The following REC114 variants were observed in gnomAD, a reference collection of about 807,000 sequenced individuals.
REC114 encodes the protein meiotic recombination protein REC114.
A neutral mutation model predicts 31.3 loss-of-function variants in REC114; 27 were observed. That is an observed-to-expected ratio of 0.86 (90% CI 0.64 to 1.19). The LOEUF is 1.19. Among genes scored for constraint, REC114 ranks in the 50% most tolerant of loss-of-function variants. The probability of loss-of-function intolerance (pLI) is 0.00; values close to 1 mark genes in which losing one functional copy is unlikely to be tolerated. For missense variants in REC114, 344 were observed against 326.9 expected, an observed-to-expected ratio of 1.05 and a Z score of -0.40; for synonymous variants, 134 against 127.7, an observed-to-expected ratio of 1.05 and a Z score of -0.33.
intron 1 of REC114, among the ~76,000 whole-genome samples, chr15:73,446,448 T>C (rs887241884): frequency 6.6e-6 from 1 of 152,186 alleles, no homozygotes; most frequent in Non-Finnish European, 1.5e-5. Context: ...GAGACCAGCC[T>C]GGCCAACATG....
At chr15:73,551,800 T>A (rs1894397185) in intron 4 of REC114, among the ~76,000 whole-genome samples, 1 of 152,334 alleles carries the variant, frequency 6.6e-6, no homozygotes, top group Admixed American at 6.5e-5. Context: ...AAATGAACTA[T>A]CACTTCAGGA....
intron 2 of REC114, among the ~76,000 whole-genome samples, chr15:73,520,225 G>A (rs941148443): frequency 9.4e-5 from 14 of 148,284 alleles, no homozygotes; most frequent in African/African-American, 1.7e-4. Context: ...TTTTTTTTTC[G>A]TTTTGGGTTT....
chr15:73,519,347 C>G (rs1303486539), intron 2 of REC114, among the ~76,000 whole-genome samples: 2 of 152,168 alleles, frequency 1.3e-5, no homozygotes, highest in Non-Finnish European at 2.9e-5. Context: ...AGAGCAAGCC[C>G]TCATCAGACA....
At chr15:73,554,735 A>G (rs1658110399) in intron 4 of REC114, among the ~76,000 whole-genome samples, 1 of 152,154 alleles carries the variant, frequency 6.6e-6, no homozygotes, top group African/African-American at 2.4e-5. Context: ...TTCCATCTCT[A>G]TGCTGTTGCA....
rs1272104035 is a variant in REC114, at chr15:73,473,925, G to A, written c.249+4G>A. On this transcript the variant is annotated splice_donor_region_variant and intron_variant, in intron 2 of 5. Transcript: ENST00000331090. ...TTTCCAAGGACAGACACTACTGGTA[G>A]GTTTTATGCATAACAGTTTAATATG... The A allele has an allele frequency of 6.5e-7, 1 of 1,532,530 alleles. No individual in the cohort carries two copies. Among genetic ancestry groups the A allele is most frequent in the Non-Finnish European group, 8.9e-7 (1 of 1,119,186 alleles). 94.9% of individuals were successfully genotyped at this position (1,532,530 alleles called of 1,614,324 possible).
chr15:73,445,708 C>T (rs1892754750), intron 1 of REC114, among the ~76,000 whole-genome samples: 1 of 152,116 alleles, frequency 6.6e-6, no homozygotes, highest in African/African-American at 2.4e-5. Context: ...AGAGACAGAG[C>T]AAAGGCTGGT....
chr15:73,474,255 C>T (rs1281609467), intron 2 of REC114, among the ~76,000 whole-genome samples: 4 of 151,956 alleles, frequency 2.6e-5, no homozygotes, highest in African/African-American at 9.7e-5. Flanking sequence ...GGGAAAACAG[C>T]ATATGCAGAG....
intron 1 of REC114, among the ~76,000 whole-genome samples, chr15:73,464,492 G>A (rs1038017127): frequency 6.6e-6 from 1 of 151,992 alleles, no homozygotes; most frequent in African/African-American, 2.4e-5. Context: ...ATTTTCCTTT[G>A]TCTAACTTAT....
At chr15:73,512,929 T>C (rs1173829139) in intron 2 of REC114, among the ~76,000 whole-genome samples, 1 of 151,722 alleles carries the variant, frequency 6.6e-6, no homozygotes, top group Non-Finnish European at 1.5e-5. Context: ...TGCCTTGGAG[T>C]TGCTCTTCTC....
At chr15:73,542,988 T>G (rs1247176915) in intron 3 of REC114, among the ~76,000 whole-genome samples, 1 of 151,888 alleles carries the variant, frequency 6.6e-6, no homozygotes, top group East Asian at 1.9e-4. Flanking sequence ...CCCGATAGGT[T>G]GTCCCTGCTT....
At chr15:73,482,036 A>G (rs8039395) in intron 2 of REC114, among the ~76,000 whole-genome samples, 14,018 of 152,114 alleles carry the variant, frequency 0.092, 991 homozygotes, top group African/African-American at 0.2. Context: ...AGCACCATCT[A>G]TCTCCAGAAC....
At chr15:73,459,746 C>G (rs141713867) in intron 1 of REC114, among the ~76,000 whole-genome samples, 5 of 152,240 alleles carry the variant, frequency 3.3e-5, no homozygotes, top group African/African-American at 4.8e-5. Context: ...CTTTAAGAAC[C>G]AGTGCATGAT....
chr15:73,554,905 G>A (rs563235564), intron 4 of REC114, among the ~76,000 whole-genome samples: 6 of 152,238 alleles, frequency 3.9e-5, no homozygotes, highest in Non-Finnish European at 8.8e-5. Context: ...CATAGCTGAA[G>A]AAACACTAGG....
intron 2 of REC114, among the ~76,000 whole-genome samples, chr15:73,484,374 T>C (rs1893337886): frequency 6.6e-6 from 1 of 152,118 alleles, no homozygotes; most frequent in Non-Finnish European, 1.5e-5. Context: ...TGTTGCCTGC[T>C]CAATCCTCCT....
At chr15:73,555,414 C>T (rs1349421959) in intron 4 of REC114, among the ~76,000 whole-genome samples, 1 of 152,140 alleles carries the variant, frequency 6.6e-6, no homozygotes, top group Non-Finnish European at 1.5e-5. Flanking sequence ...AGACCTCCTG[C>T]ACCTTGTTCA....
At chr15:73,485,423 A>G (rs1893352097) in intron 2 of REC114, among the ~76,000 whole-genome samples, 1 of 152,118 alleles carries the variant, frequency 6.6e-6, no homozygotes, top group Admixed American at 6.5e-5. Context: ...GGCCACTGAT[A>G]TGGTTTGGAT....
chr15:73,443,337 C>T lies in REC114; in HGVS notation c.152C>T (p.Thr51Ile), dbSNP rs1892723284. 3 of 1,574,500 alleles carry T rather than the reference C, an allele frequency of 1.9e-6. No homozygotes were observed. Among genetic ancestry groups the T allele is most frequent in the Non-Finnish European group, 2.6e-6 (3 of 1,161,448 alleles). ...GAAGCTGGGACAGCCCCCTGCCCCACATGGAAGGTGAGGCCCGAAGGCAGG... is the reference window on the plus strand; with the variant it reads ...GAAGCTGGGACAGCCCCCTGCCCCATATGGAAGGTGAGGCCCGAAGGCAGG... ...CLEAGTAPCP[T>I]WKVFDSNEES... is the part of the protein sequence containing the mutation. Residue 51 changes from threonine to isoleucine, a missense_variant, in exon 1 of 6, where the codon ACA (threonine) becomes ATA (isoleucine). Thr to Ile is a moderately conservative substitution (Grantham distance 89). Transcript: ENST00000331090.
intron 2 of REC114, among the ~76,000 whole-genome samples, chr15:73,494,499 A>G (rs1480226675): frequency 1.3e-5 from 2 of 152,214 alleles, no homozygotes; most frequent in East Asian, 3.9e-4. Context: ...CTCAAAAAAA[A>G]AAAAAAAAAA....
intron 2 of REC114, among the ~76,000 whole-genome samples, chr15:73,491,731 C>T (rs1349095925): frequency 6.6e-6 from 1 of 151,976 alleles, no homozygotes; most frequent in African/African-American, 2.4e-5. Context: ...AACCTTGTCT[C>T]TACAAAAAAA....
Sources: gnomAD v4.1 joint callset for allele counts (sites outside exome capture counted in the v4.1 genomes callset) on GRCh38, gnomAD v4.1.1 for gene constraint, MANE v1.5 for transcripts, NCBI Gene and HGNC (gene_info 2026-07-23, HGNC 2026-07-21) for gene names.